Variants in GRK7 observed in about 807,000 individuals in gnomAD.
GRK7 encodes G protein-coupled receptor kinase 7.
In GRK7, 24 loss-of-function variants were observed where a neutral mutation model predicts 34.1. That is an observed-to-expected ratio of 0.70 (90% CI 0.51 to 0.99). The LOEUF is 0.99. Ranked by LOEUF, GRK7 falls within the 50% of genes least tolerant of loss-of-function variation. GRK7 has a pLI of 0.00. For missense variants in GRK7, 644 were observed against 707.3 expected (o/e 0.91, Z 1.02); for synonymous variants, 256 against 279.4 (o/e 0.92, Z 0.84).
chr3:141,774,034 G>A (rs2084627961), intron 1 of GRK7, among the ~76,000 whole-genome samples: 1 of 152,198 alleles, frequency 6.6e-6, no homozygotes. Context: ...GGCAAAGTGT[G>A]TGCTCTGCTT....
At chr3:141,777,322 C>T (rs112914587) in intron 2 of GRK7, among the ~76,000 whole-genome samples, 11 of 52,868 alleles carry the variant, frequency 2.1e-4, no homozygotes, top group East Asian at 4.8e-4. Context: ...GATGGCCCCT[C>T]TTTTTTTTTT....
rs1260633022 is a variant in GRK7, at chr3:141,778,537, A to G, written c.253A>G (p.Thr85Ala). ...AGTGCCCACGTTCCGCAAGGCGGCA[A>G]CCTTCCTAGAGGACGTGCAGAACTG... ...ATVPTFRKAA[T>A]FLEDVQNWEL... Residue 85 changes from threonine (T) to alanine (A), a missense_variant, in exon 3 of 6, where the codon ACC becomes GCC. By Grantham distance (58) the Thr-to-Ala change is moderately conservative (BLOSUM62 0). Transcript: ENST00000682958. The surrounding 1 kb of genome is among the most constrained non-coding windows in gnomAD (Gnocchi z 4.1). 4.3e-6 allele frequency: 7 copies of G among 1,613,240 alleles called. No homozygotes were observed. Among genetic ancestry groups the G allele is most frequent in the African/African-American group, 2.7e-5 (2 of 74,942 alleles).
intron 4 of GRK7, among the ~76,000 whole-genome samples, chr3:141,799,323 G>A (rs966358092): frequency 5.3e-5 from 8 of 152,128 alleles, no homozygotes; most frequent in Non-Finnish European, 7.4e-5. Context: ...AGTGAAAAGC[G>A]CAGGCCAGGG....
intron 4 of GRK7, among the ~76,000 whole-genome samples, chr3:141,801,310 C>CAAAA (rs55657739): frequency 6.6e-3 from 461 of 69,596 alleles, no homozygotes; most frequent in East Asian, 9.2e-3. Flanking sequence ...GACTCCGTCT[C>CAAAA]AAAAAAAAAA....
rs1353876495 is a variant in GRK7 at position 141,778,440 on chromosome 3, G to A, written c.156G>A (p.Leu52=). 2 of 1,613,052 alleles carry A rather than the reference G, an allele frequency of 1.2e-6. No individual in the cohort carries two copies. Among genetic ancestry groups the A allele is most frequent in the Non-Finnish European group, 1.7e-6 (2 of 1,179,882 alleles). Residue 52 remains leucine, a synonymous_variant, in exon 3 of 6, where the codon CTG becomes CTA. Coordinates refer to ENST00000682958, the MANE Select transcript of GRK7 (RefSeq NM_139209.3). This position sits in a 1 kb window ranked among gnomAD's most constrained non-coding sequence, Gnocchi z 4.1. ...LQGCAELRQK[L]SLNFHSLCEQ... ...GCTGCGCGGAGCTCCGCCAGAAGCT[G>A]TCCCTGAACTTCCACAGCCTGTGTG... is the stretch of plus-strand genomic sequence containing the variant.
At chr3:141,803,891 T>C (rs1301424285) in intron 4 of GRK7, among the ~76,000 whole-genome samples, 1 of 148,350 alleles carries the variant, frequency 6.7e-6, no homozygotes, top group Non-Finnish European at 1.5e-5. Context: ...TTTGTATTTT[T>C]AGTAGAGACG....
intron 5 of GRK7, among the ~76,000 whole-genome samples, chr3:141,815,231 T>TTTTTTTG (rs111739693): frequency 2.7e-5 from 4 of 148,258 alleles, no homozygotes; most frequent in African/African-American, 9.9e-5. Context: ...GGTTGGTTTT[T>TTTTTTTG]TTTGTTTGTT....
chr3:141,813,817 TGCACAGTTATTCATGAATGCAGAA>T, intron 5 of GRK7, among the ~76,000 whole-genome samples: 1 of 152,332 alleles, frequency 6.6e-6, no homozygotes, highest in South Asian at 2.1e-4. Flanking sequence ...CTTCCTCAGA[TGCACAGTTATTCATGAATGCAGAA>T]GCACATAAAG....
intron 4 of GRK7, among the ~76,000 whole-genome samples, chr3:141,801,376 G>T (rs1710964133): frequency 6.7e-6 from 1 of 150,360 alleles, no homozygotes; most frequent in Non-Finnish European, 1.5e-5. Context: ...GACACCACAG[G>T]AATGCAGTCA....
At chr3:141,768,205 G>T (rs562651281) in intron 1 of GRK7, among the ~76,000 whole-genome samples, 2 of 150,952 alleles carry the variant, frequency 1.3e-5, no homozygotes, top group Non-Finnish European at 2.9e-5. Context: ...GCTGCCCTTC[G>T]TCCTAAGGCC....
At chr3:141,750,100 C>T in the GRK7 span, among the ~76,000 whole-genome samples, 1 of 151,830 alleles carries the variant, frequency 6.6e-6, no homozygotes, top group Non-Finnish European at 1.5e-5. Flanking sequence ...AGAAAATTAA[C>T]CTTTTTCTAT....
Position 141,801,277 on chromosome 3 carries a change from C to T in GRK7, c.1051-6368C>T, listed in dbSNP as rs141284720. ...AGTGAGCCAAGATTGCGCCACTGCA[C>T]TCCAGCCTGGGCGACAGAGCGAGAC... On this transcript the variant is annotated intron_variant, in intron 4 of 5. Transcript: ENST00000682958. Among the ~76,000 whole-genome samples, 832 of 136,670 alleles carry T rather than the reference C, an allele frequency of 6.1e-3. 7 individuals are homozygous for T. The highest frequency in any genetic ancestry group is 0.013 in the Middle Eastern group (3 of 224). The allele number at this position is 136,670 out of a possible 152,430, so 89.7% of individuals were successfully genotyped here. A position where few individuals can be genotyped will look rare whatever the true frequency, so the allele number is the denominator to read the frequency against.
intron 5 of GRK7, among the ~76,000 whole-genome samples, chr3:141,810,672 A>G (rs1196985895): frequency 1.3e-5 from 2 of 151,950 alleles, no homozygotes; most frequent in East Asian, 3.9e-4. Flanking sequence ...ACCCACCACC[A>G]CACCCAGCTA....
At chr3:141,795,705 C>A (rs1037300682) in intron 4 of GRK7, among the ~76,000 whole-genome samples, 20 of 151,826 alleles carry the variant, frequency 1.3e-4, no homozygotes, top group Admixed American at 3.3e-4. Flanking sequence ...TTTGGGAGGC[C>A]AAGGCACAAG....
intron 4 of GRK7, among the ~76,000 whole-genome samples, chr3:141,804,577 A>G (rs1402948692): frequency 6.9e-6 from 1 of 144,358 alleles, no homozygotes; most frequent in Admixed American, 6.7e-5. Context: ...ACATACACAT[A>G]CACACATACA....
At chr3:141,792,610 G>A (rs1342362357) in intron 4 of GRK7, among the ~76,000 whole-genome samples, 1 of 152,124 alleles carries the variant, frequency 6.6e-6, no homozygotes, top group Non-Finnish European at 1.5e-5. Flanking sequence ...TTCCGGTGGT[G>A]TCTCAGATTG....
intron 5 of GRK7, among the ~76,000 whole-genome samples, chr3:141,815,235 GTTT>G (rs1559849436): frequency 1.6e-3 from 29 of 17,896 alleles, no homozygotes; most frequent in African/African-American, 3.9e-3. Flanking sequence ...GGTTTTTTTT[GTTT>G]GTTTGTTTGT....
At chr3:141,774,054 G>T (rs553854637) in intron 1 of GRK7, among the ~76,000 whole-genome samples, 1 of 152,278 alleles carries the variant, frequency 6.6e-6, no homozygotes, top group East Asian at 1.9e-4. Context: ...TCTAATATAA[G>T]AATTCAATGC....
At chr3:141,762,374 G>A (rs956045287), upstream of GRK7, among the ~76,000 whole-genome samples, 5 of 145,694 alleles carry the variant, frequency 3.4e-5, no homozygotes, top group Non-Finnish European at 6.0e-5. Flanking sequence ...ATACCCTGCC[G>A]TGTGAGGTGT....
Sources: allele counts gnomAD v4.1 joint callset (sites outside exome capture counted in the v4.1 genomes callset), GRCh38; gene constraint gnomAD v4.1.1; non-coding constraint Gnocchi (gnomAD v3.1); transcripts MANE v1.5; gene names NCBI Gene and HGNC (gene_info 2026-07-23, HGNC 2026-07-21).